KPNA6: variants seen among roughly 807,000 people sequenced by gnomAD.
KPNA6 encodes the protein karyopherin subunit alpha 6, also known as importin subunit alpha-7.
Under a neutral mutation model 72.0 loss-of-function variants are expected in KPNA6, and 9 were observed. The ratio of observed to expected loss-of-function variants is 0.13; its 90% CI spans 0.08 to 0.22. The LOEUF is 0.22. KPNA6 is among the 10% of genes least tolerant of loss of function. The pLI is 1.00. For synonymous variants in KPNA6, 219 were observed against 242.1 expected (o/e 0.90, Z 0.89); for missense variants, 374 against 655.7 (o/e 0.57, Z 4.69).
At chr1:32,160,128 CT>C (rs772926034) in intron 6 of KPNA6, among the ~76,000 whole-genome samples, 1 of 152,108 alleles carries the variant, frequency 6.6e-6, no homozygotes, top group Non-Finnish European at 1.5e-5. Context: ...GAAACTCCAT[CT>C]CTACTAAAAA....
rs145691692 is a variant in KPNA6 at position 32,146,211 on chromosome 1, A to G, written c.5-8377A>G. Among the ~76,000 whole-genome samples, 649 of 152,256 alleles carry G rather than the reference A, an allele frequency of 4.3e-3. 3 individuals are homozygous for G. Among genetic ancestry groups the G allele is most frequent in the South Asian group, 9.5e-3 (46 of 4,822 alleles). ...CGTGGTTCATTAAAAGTCTCCAAATATCTGTAGGCCACAGTTGGTGGGGAC... is the reference window on the plus strand; with the variant it reads ...CGTGGTTCATTAAAAGTCTCCAAATGTCTGTAGGCCACAGTTGGTGGGGAC... On this transcript the variant is annotated intron_variant, in intron 1 of 13. Transcript: ENST00000373625.
rs1642468114 is a variant in KPNA6, at chr1:32,173,173, T to TTAAAA, written c.*2279_*2280insTAAAA. On this transcript the variant is annotated 3_prime_UTR_variant, in exon 14 of 14. Coordinates refer to ENST00000373625, the MANE Select transcript of KPNA6 (RefSeq NM_012316.5). ...ATTAAAAAACCATTCTCTTACAGTTTAAAAAAAAAAAAAAAAAAAAAGCCT... is the reference window on the plus strand; with the variant it reads ...ATTAAAAAACCATTCTCTTACAGTTTTAAAAAAAAAAAAAAAAAAAAAAAAAGCCT... 1 of 279,374 alleles carries TTAAAA rather than the reference T, an allele frequency of 3.6e-6. No individual in the cohort carries two copies. Among genetic ancestry groups the TTAAAA allele is most frequent in the East Asian group, 5.4e-5 (1 of 18,456 alleles). 17.3% of individuals were successfully genotyped at this position (279,374 alleles called of 1,614,324 possible).
At chr1:32,122,229 A>T (rs191760553) in intron 1 of KPNA6, among the ~76,000 whole-genome samples, 5 of 152,164 alleles carry the variant, frequency 3.3e-5, no homozygotes, top group Non-Finnish European at 5.9e-5. Flanking sequence ...AGCCGAGATC[A>T]TATCATTGCA....
chr1:32,123,414 A>G (rs768298205), intron 1 of KPNA6, among the ~76,000 whole-genome samples: 2 of 152,058 alleles, frequency 1.3e-5, no homozygotes, highest in Non-Finnish European at 2.9e-5. Context: ...GAGTAAGTGT[A>G]CAATTTAGTT....
In KPNA6 at chr1:32,119,602, A is replaced by G. The variant is rs920664129; in HGVS notation, c.4+11468A>G. ...TAATTTTATGAAATAAACCAAAGGG[A>G]GACTGTTAGATGAACGGGACAACCC... On this transcript the variant is annotated intron_variant, in intron 1 of 13. Coordinates refer to ENST00000373625, the MANE Select transcript of KPNA6 (RefSeq NM_012316.5). 2.0e-5 allele frequency among the ~76,000 whole-genome samples: 3 copies of G among 152,272 alleles called. No individual in the cohort carries two copies. In the East Asian group the frequency reaches 5.8e-4, roughly 29 times the overall value.
intron 1 of KPNA6, among the ~76,000 whole-genome samples, chr1:32,126,167 T>G (rs1234483249): frequency 2.6e-5 from 4 of 151,984 alleles, no homozygotes; most frequent in Non-Finnish European, 5.9e-5. Context: ...ATTATAGGTA[T>G]GAGCCATCGT....
chr1:32,172,093 A>C lies in KPNA6; in HGVS notation c.*1199A>C, dbSNP rs1642449270. On this transcript the variant is annotated 3_prime_UTR_variant, in exon 14 of 14. Transcript: ENST00000373625. ...CTATATATTAGGTAGGTCAATCTTAATTGGTCTCAAGAGGAAGAACTGTCT... is the reference window on the plus strand; with the variant it reads ...CTATATATTAGGTAGGTCAATCTTACTTGGTCTCAAGAGGAAGAACTGTCT... 6.6e-6 allele frequency: 1 copy of C among 152,144 alleles called. No individual in the cohort carries two copies. Among genetic ancestry groups the C allele is most frequent in the African/African-American group, 2.4e-5 (1 of 41,434 alleles). 9.4% of individuals were successfully genotyped at this position (152,144 alleles called of 1,614,324 possible).
At chr1:32,137,238 A>G (rs1018713550) in intron 1 of KPNA6, among the ~76,000 whole-genome samples, 4 of 152,108 alleles carry the variant, frequency 2.6e-5, no homozygotes, top group Non-Finnish European at 4.4e-5. Context: ...GCACTGTGAT[A>G]CCAGCACGGC....
chr1:32,156,894 T>C lies in KPNA6; in HGVS notation c.180T>C (p.Ala60=). The part of the protein sequence containing the change: ...RRNVELINEE[A]AMFDSLLMDS... ...ATGTGGAGCTGATTAATGAAGAAGCTGCCATGTTCGATAGTCTTCTCATGG... is the reference window on the plus strand; with the variant it reads ...ATGTGGAGCTGATTAATGAAGAAGCCGCCATGTTCGATAGTCTTCTCATGG... The change falls in exon 3 of 14, where the codon GCT becomes GCC. Residue 60 remains alanine, a synonymous_variant. Transcript: ENST00000373625. The C allele has an allele frequency of 6.2e-7, 1 of 1,614,168 alleles. No homozygotes were observed. The highest frequency in any genetic ancestry group is 1.1e-5 in the South Asian group (1 of 91,084).
intron 1 of KPNA6, chr1:32,143,006 A>C (rs1641866566): frequency 7.8e-7 from 1 of 1,289,394 alleles, no homozygotes; most frequent in Non-Finnish European, 1.0e-6. Context: ...AGGCTCAGTC[A>C]TGAAAAGCTA....
rs67312157 is a variant in KPNA6, at chr1:32,128,387, TTATATATATATATATATA to T, written c.4+20276_4+20293del. ...TATATTTTTTATATTATATATGTAT[TTATATATATATATATATA>T]TATATATATATATATATATATACAC... On this transcript the variant is annotated intron_variant, in intron 1 of 13. Transcript: ENST00000373625. Among the ~76,000 whole-genome samples the T allele has an allele frequency of 2.5e-3, 184 of 72,172 alleles. 4 individuals are homozygous for T. The highest frequency in any genetic ancestry group is 5.8e-3 in the South Asian group (12 of 2,060). The allele number at this position is 72,172 out of a possible 152,430, so 47.3% of individuals were successfully genotyped here. A position where few individuals can be genotyped will look rare whatever the true frequency, so the allele number is the denominator to read the frequency against.
chr1:32,156,535 C>T (rs115497321), intron 2 of KPNA6, among the ~76,000 whole-genome samples: 276 of 152,266 alleles, frequency 1.8e-3, no homozygotes, highest in Non-Finnish European at 3.2e-3. Context: ...ATGCACTGGA[C>T]AAAGGATGTT....
At chr1:32,168,080 A>T (rs1642371554) in intron 12 of KPNA6, among the ~76,000 whole-genome samples, 1 of 152,170 alleles carries the variant, frequency 6.6e-6, no homozygotes, top group South Asian at 2.1e-4. Flanking sequence ...AAGCAGGAGG[A>T]TCACCTGAGC....
intron 1 of KPNA6, among the ~76,000 whole-genome samples, chr1:32,111,324 GAAGTT>G (rs1175245351): frequency 6.6e-6 from 1 of 152,162 alleles, no homozygotes; most frequent in Non-Finnish European, 1.5e-5. Flanking sequence ...TAAGACTTAA[GAAGTT>G]AAGAAATAAA....
chr1:32,120,348 G>A (rs773934721), intron 1 of KPNA6, among the ~76,000 whole-genome samples: 4 of 150,204 alleles, frequency 2.7e-5, no homozygotes, highest in Admixed American at 2.0e-4. Context: ...TGGTTCAAGC[G>A]ATTCTCCTGC....
At chr1:32,132,296 GTGTTT>G (rs915148252) in intron 1 of KPNA6, among the ~76,000 whole-genome samples, 15 of 151,268 alleles carry the variant, frequency 9.9e-5, no homozygotes, top group Admixed American at 3.9e-4. Flanking sequence ...AAGCATTAAA[GTGTTT>G]TGTTTTGTTT....
At chr1:32,153,470 G>A (rs894524303) in intron 1 of KPNA6, among the ~76,000 whole-genome samples, 1 of 151,036 alleles carries the variant, frequency 6.6e-6, no homozygotes, top group Non-Finnish European at 1.5e-5. Context: ...ACTCAGGAGG[G>A]TGAGGCAGGA....
rs761785742 is a variant in KPNA6 at position 32,159,463 on chromosome 1, A to C, written c.490A>C (p.Ile164Leu). Residue 164 changes from isoleucine to leucine, a missense_variant, in exon 6 of 14, where the codon ATT becomes CTT. By Grantham distance (5) the Ile-to-Leu change is conservative. Transcript: ENST00000373625. Reference protein sequence around the residue: ...SGTSQQTKIVIEAGAVPIFIE... With the variant: ...SGTSQQTKIVLEAGAVPIFIE... ...AACCTCTCAGCAGACCAAAATTGTC[A>C]TTGAAGCAGGGGCTGTCCCCATTTT... 1 of 1,614,190 alleles carries C rather than the reference A, an allele frequency of 6.2e-7. No homozygotes were observed. The highest frequency in any genetic ancestry group is 1.1e-5 in the South Asian group (1 of 91,084).
At chr1:32,162,186 A>G in intron 8 of KPNA6, 140 bp downstream of exon 8, 1 of 907,950 alleles carries the variant, frequency 1.1e-6, no homozygotes, top group Non-Finnish European at 1.8e-6. Context: ...GATCTTGTGT[A>G]CCTGGATAGT....
Sources: gnomAD v4.1 joint callset for allele counts (sites outside exome capture counted in the v4.1 genomes callset) on GRCh38, gnomAD v4.1.1 for gene constraint, MANE v1.5 for transcripts, NCBI Gene and HGNC (gene_info 2026-07-23, HGNC 2026-07-21) for gene names.